Variants in CPA5 observed in about 807,000 individuals in gnomAD.
The protein encoded by CPA5 is testicular tissue protein Li 32.
In CPA5, 38 loss-of-function variants were observed where a neutral mutation model predicts 52.2. The ratio of observed to expected loss-of-function variants is 0.73; its 90% confidence interval spans 0.56 to 0.95. The LOEUF is 0.95. Ranked by LOEUF, CPA5 falls within the 40% of genes least tolerant of loss-of-function variation. The probability of loss-of-function intolerance (pLI) is 0.00; values close to 1 mark genes in which losing one functional copy is unlikely to be tolerated. For synonymous variants in CPA5, 198 were observed against 213.7 expected (o/e 0.93, Z 0.64); for missense variants, 519 against 566.7 (o/e 0.92, Z 0.86).
At chr7:130,372,954 G>C (rs1796308386), downstream of CPA5, among the ~76,000 whole-genome samples, 1 of 152,148 alleles carries the variant, frequency 6.6e-6, no homozygotes, top group South Asian at 2.1e-4. Flanking sequence ...TATGAAGACA[G>C]GGGCCTCTGG....
chr7:130,346,384 C>T lies in CPA5; in HGVS notation c.-93-9C>T, dbSNP rs1554402128. The T allele has an allele frequency of 1.2e-6, 1 of 824,746 alleles. No individual in the cohort carries two copies. The highest frequency in any genetic ancestry group is 1.9e-6 in the Non-Finnish European group (1 of 521,896). The allele number at this position is 824,746 out of a possible 1,614,324, so 51.1% of individuals were successfully genotyped here. ...TGGGTGCCCCAGACAGCCTAATGCT[C>T]TTTCTCAGGCTGGGCTTTCCAGCCT... On this transcript the variant is annotated splice_polypyrimidine_tract_variant and intron_variant, in intron 2 of 12. Transcript: ENST00000474905.
intron 10 of CPA5, among the ~76,000 whole-genome samples, chr7:130,364,751 G>A (rs1363144078): frequency 6.6e-6 from 1 of 152,234 alleles, no homozygotes; most frequent in Admixed American, 6.5e-5. Flanking sequence ...GAGGGGGAGG[G>A]GGCAGCTTTC....
At chr7:130,373,986 C>T in the CPA5 span, among the ~76,000 whole-genome samples, 5 of 151,940 alleles carry the variant, frequency 3.3e-5, no homozygotes, top group East Asian at 3.9e-4. Context: ...TTCCGGACGC[C>T]GCCCCCACCC....
At chr7:130,373,325 T>A (rs187841928), downstream of CPA5, among the ~76,000 whole-genome samples, 1 of 152,186 alleles carries the variant, frequency 6.6e-6, no homozygotes, top group African/African-American at 2.4e-5. Context: ...CTGCTCTTTT[T>A]AGGTATGTTT....
intron 4 of CPA5, among the ~76,000 whole-genome samples, chr7:130,348,853 A>G (rs1584788743): frequency 6.6e-6 from 1 of 152,152 alleles, no homozygotes; most frequent in East Asian, 1.9e-4. Context: ...AAAACATTAA[A>G]CGGAAAATTC....
intron 10 of CPA5, among the ~76,000 whole-genome samples, 189 bp downstream of exon 10, chr7:130,363,698 TTG>T (rs143673824): frequency 6.0e-5 from 9 of 151,208 alleles, no homozygotes; most frequent in Non-Finnish European, 1.2e-4. Flanking sequence ...ACGGGAGAGG[TTG>T]TGTGTGTGTG....
At position 130,346,458 on chromosome 7, in the gene CPA5, C is replaced by T. The variant is rs1554402145; in HGVS notation, c.-28C>T. 1 of 1,550,180 alleles carries T rather than the reference C, an allele frequency of 6.5e-7. No homozygotes were observed. Among genetic ancestry groups the T allele is most frequent in the Non-Finnish European group, 8.9e-7 (1 of 1,126,234 alleles). ...CCTGGGCCATGGTGCCCAAGGAAAG[C>T]CCCTGAAGCTCACCAGGAGGAAGAA... On this transcript the variant is annotated 5_prime_UTR_variant, in exon 3 of 13. Transcript: ENST00000474905.
chr7:130,365,111 T>A (rs1796006610), intron 10 of CPA5, among the ~76,000 whole-genome samples: 1 of 152,162 alleles, frequency 6.6e-6, no homozygotes, highest in African/African-American at 2.4e-5. Flanking sequence ...TCTGGCTTCT[T>A]GGGGTCTGTT....
Position 130,346,449 on chromosome 7 carries a change from C to T in CPA5, c.-37C>T, listed in dbSNP as rs558364717. 3 of 1,516,778 alleles carry T rather than the reference C, an allele frequency of 2.0e-6. No homozygotes were observed. In the South Asian group the frequency reaches 3.4e-5, roughly 17 times the overall value. The allele number at this position is 1,516,778 out of a possible 1,614,324, so 94.0% of individuals were successfully genotyped here. On this transcript the variant is annotated 5_prime_UTR_variant, in exon 3 of 13. Transcript: ENST00000474905. The stretch of plus-strand genomic sequence containing the variant: ...GTCCTGAGGCCTGGGCCATGGTGCC[C>T]AAGGAAAGCCCCTGAAGCTCACCAG...
At chr7:130,367,773 C>T (rs958648465) in intron 11 of CPA5, 133 bp from the exon 12 acceptor site, 14 of 878,138 alleles carry the variant, frequency 1.6e-5, no homozygotes, top group Non-Finnish European at 2.6e-5. Flanking sequence ...GTGCTCCCTT[C>T]TCACAAGGGC....
At position 130,345,209 on chromosome 7, in the gene CPA5, G is replaced by T. The variant is rs1418548602; in HGVS notation, c.-152+4G>T. ...ACGAAATAATGGAGTAGGGCAGGTG[G>T]GTGGGGGAGCAGGGCGTTCTGTCGA... On this transcript the variant is annotated splice_donor_region_variant and intron_variant, in intron 1 of 12. Transcript: ENST00000474905. 1 of 152,168 alleles carries T rather than the reference G, an allele frequency of 6.6e-6. No homozygotes were observed. The highest frequency in any genetic ancestry group is 2.1e-4 in the South Asian group (1 of 4,818). The allele number at this position is 152,168 out of a possible 1,614,324, so 9.4% of individuals were successfully genotyped here.
chr7:130,366,204 G>C (rs1584833845), intron 10 of CPA5, among the ~76,000 whole-genome samples: 1 of 152,198 alleles, frequency 6.6e-6, no homozygotes, highest in East Asian at 1.9e-4. Flanking sequence ...TGCATTCCTA[G>C]AGCATCATCT....
chr7:130,350,437 C>A lies in CPA5; in HGVS notation c.333+328C>A, dbSNP rs1033893427. On this transcript the variant is annotated intron_variant, in intron 5 of 12. Transcript: ENST00000474905. Reference sequence around the variant, plus strand: ...TGTAGCTGGGGTCTTCCCCAGGCACCGTGGGAAGGTGCCTCTGGATAGCTT... The same window carrying A: ...TGTAGCTGGGGTCTTCCCCAGGCACAGTGGGAAGGTGCCTCTGGATAGCTT... 4.6e-5 allele frequency among the ~76,000 whole-genome samples: 7 copies of A among 152,256 alleles called. No homozygotes were observed. In the South Asian group the frequency reaches 1.5e-3, roughly 32 times the overall value.
Position 130,367,463 on chromosome 7 carries a change from C to T in CPA5, c.930C>T (p.Ile310=), listed in dbSNP as rs1796159316. 1 of 1,614,052 alleles carries T rather than the reference C, an allele frequency of 6.2e-7. No individual in the cohort carries two copies. The highest frequency in any genetic ancestry group is 1.3e-5 in the African/African-American group (1 of 74,934). Residue 310 remains isoleucine, a synonymous_variant, in exon 11 of 13, where the codon ATC becomes ATT. Coordinates refer to ENST00000474905, the MANE Select transcript of CPA5 (RefSeq NM_080385.5). The part of the protein sequence containing the change: ...EPEVAAIVNF[I]TAHGNFKALI... Reference sequence around the variant, plus strand: ...AGGTGGCTGCCATAGTGAACTTCATCACAGCCCATGGCAACTTCAAGGCTC... The same window carrying T: ...AGGTGGCTGCCATAGTGAACTTCATTACAGCCCATGGCAACTTCAAGGCTC...
intron 4 of CPA5, among the ~76,000 whole-genome samples, chr7:130,348,162 A>G (rs1204672528): frequency 1.3e-5 from 2 of 152,110 alleles, no homozygotes; most frequent in Non-Finnish European, 2.9e-5. Flanking sequence ...GTGGGAGGGC[A>G]CAATGTCTCT....
intron 5 of CPA5, among the ~76,000 whole-genome samples, chr7:130,355,783 G>A (rs1359190466): frequency 6.6e-6 from 1 of 152,204 alleles, no homozygotes; most frequent in Admixed American, 6.5e-5. Flanking sequence ...GGAAACTGAG[G>A]CACAGAGATG....
chr7:130,358,544 C>T (rs1468973968), intron 5 of CPA5, among the ~76,000 whole-genome samples: 1 of 152,186 alleles, frequency 6.6e-6, no homozygotes, highest in Non-Finnish European at 1.5e-5. Context: ...AACTAAGGCT[C>T]TAGCCCCAAA....
At chr7:130,356,201 C>T (rs541849634) in intron 5 of CPA5, among the ~76,000 whole-genome samples, 97 of 152,126 alleles carry the variant, frequency 6.4e-4, no homozygotes, top group Middle Eastern at 3.4e-3. Flanking sequence ...GATCTGCTCT[C>T]CTCCGCCTCA....
At chr7:130,367,300 A>G in intron 10 of CPA5, 72 bp from the exon 11 acceptor site, 1 of 1,326,708 alleles carries the variant, frequency 7.5e-7, no homozygotes, top group Admixed American at 1.7e-5. Context: ...GGGAACACAC[A>G]GGTATTTTGT....
Sources: gnomAD v4.1 joint callset for allele counts (sites outside exome capture counted in the v4.1 genomes callset) on GRCh38, gnomAD v4.1.1 for gene constraint, MANE v1.5 for transcripts, NCBI Gene and HGNC (gene_info 2026-07-23, HGNC 2026-07-21) for gene names.